The following COL9A3 variants were observed in gnomAD, a reference collection of about 807,000 sequenced individuals.
COL9A3 encodes collagen type IX alpha 3 chain.
In COL9A3, 82 loss-of-function variants were observed where a neutral mutation model predicts 110.2. That is an observed-to-expected ratio of 0.74 (90% CI 0.62 to 0.89). The LOEUF is 0.89. COL9A3 is among the 40% of genes least tolerant of loss of function. COL9A3 has a pLI of 0.00. For synonymous variants in COL9A3, 494 were observed against 403.8 expected (o/e 1.22, Z -2.68); for missense variants, 1,066 against 981.3 (o/e 1.09, Z -1.15).
Position 62,826,234 on chromosome 20 carries a change from C to A in COL9A3, c.715C>A (p.Pro239Thr), listed in dbSNP as rs756709681. 1.8e-5 allele frequency: 28 copies of A among 1,558,768 alleles called. No homozygotes were observed. The highest frequency in any genetic ancestry group is 2.2e-5 in the Non-Finnish European group (25 of 1,152,230). The change falls in exon 14 of 32, where the codon CCA (proline) becomes ACA (threonine). Residue 239 changes from proline to threonine, a missense_variant. Physicochemically the swap from Pro to Thr is conservative, Grantham distance 38. Coordinates refer to ENST00000649368, the MANE Select transcript of COL9A3 (RefSeq NM_001853.4). ...GPRGLRGLPG[P>T]LGPPGDRGPI... ...CCGGGGATTACGAGGACTGCCAGGG[C>A]CACTCGGGCCCCCTGGGGACCGGGT...
chr20:62,837,597 G>A (rs61287018), intron 30 of COL9A3, among the ~76,000 whole-genome samples: 20,831 of 150,818 alleles, frequency 0.14, 1,961 homozygotes, highest in African/African-American at 0.27. Flanking sequence ...TCACGAGGTC[G>A]GGAGTTCAAG....
chr20:62,819,852 C>A (rs1025941743), intron 4 of COL9A3, 77 bp from the exon 5 acceptor site: 1 of 1,531,942 alleles, frequency 6.5e-7, no homozygotes, highest in Non-Finnish European at 9.0e-7. Flanking sequence ...GGGAAGGGTC[C>A]GTGCTTCCAT....
At position 62,817,100 on chromosome 20, in the gene COL9A3, C is replaced by A; in HGVS notation, c.36C>A (p.Leu12=). ...CGCGCGCGTGCGCCCCGCTCCTGCT[C>A]CTGCTCCTGCTCGGGGAGCTTCTGG... ...AGPRACAPLL[L]LLLLGELLAA... The change falls in exon 1 of 32, where the codon CTC becomes CTA. Residue 12 remains leucine (L), a synonymous_variant. Coordinates refer to ENST00000649368, the MANE Select transcript of COL9A3 (RefSeq NM_001853.4). 3 of 1,405,150 alleles carry A rather than the reference C, an allele frequency of 2.1e-6. No individual in the cohort carries two copies. The highest frequency in any genetic ancestry group is 1.4e-5 in the South Asian group (1 of 72,146). 87.0% of individuals were successfully genotyped at this position (1,405,150 alleles called of 1,614,324 possible).
intron 7 of COL9A3, 86 bp downstream of exon 7, chr20:62,821,616 G>A (rs1467325824): frequency 3.1e-6 from 5 of 1,596,626 alleles, no homozygotes; most frequent in Non-Finnish European, 4.3e-6. Flanking sequence ...CCGTGCCTGG[G>A]GGTGGGGCTT....
intron 29 of COL9A3, 61 bp from the exon 30 acceptor site, chr20:62,837,022 C>A: frequency 6.3e-7 from 1 of 1,588,144 alleles, no homozygotes; most frequent in Non-Finnish European, 8.6e-7. Context: ...TTATGCTTTA[C>A]GTAACAATAC....
intron 14 of COL9A3, 138 bp downstream of exon 14, chr20:62,826,395 G>T: frequency 1.2e-5 from 10 of 836,088 alleles, no homozygotes; most frequent in South Asian, 1.7e-5. Context: ...CCACTGTGGC[G>T]CAGGCCTTGC....
chr20:62,819,631 T>C (rs1991053903), intron 4 of COL9A3, among the ~76,000 whole-genome samples: 1 of 152,136 alleles, frequency 6.6e-6, no homozygotes. Context: ...GGAGTTTTGT[T>C]CGGAGGAAGC....
At position 62,821,567 on chromosome 20, in the gene COL9A3, C is replaced by T. The variant is rs145504518; in HGVS notation, c.369+37C>T. Reference sequence around the variant, plus strand: ...CAACCCTTGGGGCCCTGAGCAAGCACGCAAGTCCCGAGAGCCTGCCAGGCT... The same window carrying T: ...CAACCCTTGGGGCCCTGAGCAAGCATGCAAGTCCCGAGAGCCTGCCAGGCT... On this transcript the variant is annotated intron_variant, in intron 7 of 31. Transcript: ENST00000649368. The T allele has an allele frequency of 7.3e-4, 1,170 of 1,612,640 alleles. 9 individuals carry two copies. In the African/African-American group the frequency reaches 0.013, roughly 18 times the overall value.
At chr20:62,834,622 T>G (rs952842152) in intron 26 of COL9A3, among the ~76,000 whole-genome samples, 1 of 152,104 alleles carries the variant, frequency 6.6e-6, no homozygotes, top group Non-Finnish European at 1.5e-5. Flanking sequence ...ACCTCAGTTG[T>G]ATGTGTTTCA....
At chr20:62,825,898 G>A (rs1383791775) in intron 13 of COL9A3, 28 bp downstream of exon 13, 11 of 1,554,946 alleles carry the variant, frequency 7.1e-6, no homozygotes, top group African/African-American at 1.4e-5. Flanking sequence ...TAAGGATGGT[G>A]GGATGGGAAC....
At chr20:62,838,458 G>A (rs560538744) in intron 30 of COL9A3, among the ~76,000 whole-genome samples, 2 of 152,348 alleles carry the variant, frequency 1.3e-5, no homozygotes, top group African/African-American at 4.8e-5. Flanking sequence ...CACCTATGCG[G>A]TGCGTCGTCC....
chr20:62,824,674 A>G (rs2063536451), intron 11 of COL9A3, among the ~76,000 whole-genome samples, 173 bp downstream of exon 11: 1 of 152,180 alleles, frequency 6.6e-6, no homozygotes, highest in African/African-American at 2.4e-5. Context: ...CCCCAGTGAC[A>G]CGCTGATGTG....
At position 62,822,539 on chromosome 20, in the gene COL9A3, T is replaced by A; in HGVS notation, c.478-52T>A. ...AGAGTGGGTGGGTGGGTTGGGTGGC[T>A]GCAGGTGGCTGGGGAGGGCGGGAGA... On this transcript the variant is annotated intron_variant, in intron 9 of 31. Transcript: ENST00000649368. 11 of 1,599,404 alleles carry A rather than the reference T, an allele frequency of 6.9e-6. No homozygotes were observed. The South Asian group carries it at 1.2e-4, about 18-fold the overall frequency.
Position 62,835,971 on chromosome 20 carries a change from G to A in COL9A3, c.1401+18G>A. ...AAGGAGAGGTGAGTGCCCGGCGACT[G>A]TTCCGATGACACCATCCATGGGCGC... On this transcript the variant is annotated intron_variant, in intron 27 of 31. Transcript: ENST00000649368. 1.9e-6 allele frequency: 3 copies of A among 1,614,154 alleles called. No homozygotes were observed. Among genetic ancestry groups the A allele is most frequent in the South Asian group, 1.1e-5 (1 of 91,082 alleles).
chr20:62,832,658 G>T (rs916425809), intron 25 of COL9A3, among the ~76,000 whole-genome samples: 3 of 113,842 alleles, frequency 2.6e-5, no homozygotes, highest in African/African-American at 8.6e-5. Context: ...GTGTCAGGGT[G>T]GGTGGGGCCA....
intron 9 of COL9A3, 49 bp from the exon 10 acceptor site, chr20:62,822,542 A>C: frequency 1.3e-6 from 2 of 1,596,370 alleles, no homozygotes; most frequent in Non-Finnish European, 1.7e-6. Flanking sequence ...GGGTGGCTGC[A>C]GGTGGCTGGG....
At position 62,840,700 on chromosome 20, in the gene COL9A3, G is replaced by A; in HGVS notation, c.2023G>A (p.Val675Ile). ...SACQGAVLGG[V>I]GEKSGSRSS Reference sequence around the variant, plus strand: ...CTGCCAAGGAGCCGTGTTAGGAGGGGTCGGGGAGAAATCAGGCTCTCGAAG... The same window carrying A: ...CTGCCAAGGAGCCGTGTTAGGAGGGATCGGGGAGAAATCAGGCTCTCGAAG... Residue 675 changes from valine to isoleucine, a missense_variant, in exon 32 of 32, where the codon GTC becomes ATC. Physicochemically the swap from Val to Ile is conservative, Grantham distance 29. Coordinates refer to ENST00000649368, the MANE Select transcript of COL9A3 (RefSeq NM_001853.4). 6.3e-7 allele frequency: 1 copy of A among 1,591,768 alleles called. No homozygotes were observed. The highest frequency in any genetic ancestry group is 1.1e-5 in the South Asian group (1 of 88,128).
intron 30 of COL9A3, among the ~76,000 whole-genome samples, chr20:62,838,079 TAATA>T (rs770054226): frequency 6.6e-6 from 1 of 152,346 alleles, no homozygotes; most frequent in African/African-American, 2.4e-5. Context: ...TACAAAATAT[TAATA>T]AATACTCAAC....
chr20:62,821,115 G>T, intron 5 of COL9A3, 66 bp from the exon 6 acceptor site: 1 of 1,527,606 alleles, frequency 6.5e-7, no homozygotes, highest in African/African-American at 1.4e-5. Flanking sequence ...TCACACTTCA[G>T]AGGGAGGGGA....
Sources: gnomAD v4.1 joint callset for allele counts (sites outside exome capture counted in the v4.1 genomes callset) on GRCh38, gnomAD v4.1.1 for gene constraint, MANE v1.5 for transcripts, NCBI Gene and HGNC (gene_info 2026-07-23, HGNC 2026-07-21) for gene names.